COL6A6: variants seen among roughly 807,000 people sequenced by gnomAD.
The protein encoded by COL6A6 is collagen type VI alpha 6 chain, also known as collagen alpha-6(VI) chain.
In COL6A6, 183 loss-of-function variants were observed where a neutral mutation model predicts 208.6. That is an observed-to-expected ratio of 0.88 (90% confidence interval 0.78 to 0.99). COL6A6 has a LOEUF of 0.99. Among genes scored for constraint, COL6A6 ranks in the 50% least tolerant of loss-of-function variants. COL6A6 has a pLI of 0.00. For synonymous variants in COL6A6, 973 were observed against 1,011.8 expected, an observed-to-expected ratio of 0.96 and a Z score of 0.73; for missense variants, 2,816 against 2,815.2, an observed-to-expected ratio of 1.00 and a Z score of -0.01.
chr3:130,608,601 G>A (rs1219906578), intron 21 of COL6A6, among the ~76,000 whole-genome samples: 2 of 151,872 alleles, frequency 1.3e-5, no homozygotes. Flanking sequence ...ACATAGCTAA[G>A]TTAGATATAA....
chr3:130,616,313 C>T (rs1288736322), intron 23 of COL6A6, among the ~76,000 whole-genome samples: 3 of 152,004 alleles, frequency 2.0e-5, no homozygotes, highest in Non-Finnish European at 4.4e-5. Context: ...TTAGGATATA[C>T]GTTTAAGAAA....
chr3:130,550,032 T>A (rs1307013521), intron 1 of COL6A6, among the ~76,000 whole-genome samples: 2 of 152,186 alleles, frequency 1.3e-5, no homozygotes, highest in African/African-American at 4.8e-5. Flanking sequence ...ATCTTTCACC[T>A]CCCTGATGAG....
At chr3:130,671,202 C>T (rs1214094593) in intron 36 of COL6A6, among the ~76,000 whole-genome samples, 1 of 152,196 alleles carries the variant, frequency 6.6e-6, no homozygotes, top group Non-Finnish European at 1.5e-5. Flanking sequence ...TTGCATTTTG[C>T]CGTCGGCTCT....
At chr3:130,560,677 TTAGGTCTTCTGGG>T (rs1299197091) in intron 2 of COL6A6, among the ~76,000 whole-genome samples, 1 of 152,202 alleles carries the variant, frequency 6.6e-6, no homozygotes. Context: ...TCAACCCCTT[TTAGGTCTTCTGGG>T]AGGTTGCATA....
At chr3:130,653,903 A>G (rs1033880445) in intron 33 of COL6A6, among the ~76,000 whole-genome samples, 2 of 152,138 alleles carry the variant, frequency 1.3e-5, no homozygotes, top group African/African-American at 4.8e-5. Context: ...AATCAATGAG[A>G]AGGTTGATGT....
chr3:130,590,963 G>T (rs2063699281), intron 12 of COL6A6, 78 bp from the exon 13 acceptor site: 1 of 1,097,296 alleles, frequency 9.1e-7, no homozygotes, highest in African/African-American at 1.6e-5. Context: ...AAGTAAAACT[G>T]TAAAACTGAA....
Position 130,586,640 on chromosome 3 carries a change from A to G in COL6A6, c.4105A>G (p.Ser1369Gly), listed in dbSNP as rs921034863. 1.2e-6 allele frequency: 2 copies of G among 1,612,428 alleles called. No individual in the cohort carries two copies. Among genetic ancestry groups the G allele is most frequent in the Middle Eastern group, 1.7e-4 (1 of 6,060 alleles). The change falls in exon 11 of 37, where the codon AGC becomes GGC. Residue 1369 changes from serine (S) to glycine (G), a missense_variant. Ser to Gly is a moderately conservative substitution (Grantham distance 56). Transcript: ENST00000358511. ...CTCTATTGGCATGAGAGAACTTGGAAGCCGGCTGTCAAAGCAGCTGGTAAG... is the reference window on the plus strand; with the variant it reads ...CTCTATTGGCATGAGAGAACTTGGAGGCCGGCTGTCAAAGCAGCTGGTAAG... ...QLSIGMRELGSRLSKQLVNVA... is the reference protein window; with the variant it reads ...QLSIGMRELGGRLSKQLVNVA...
intron 1 of COL6A6, among the ~76,000 whole-genome samples, chr3:130,540,811 T>A (rs989866587): frequency 6.6e-6 from 1 of 152,206 alleles, no homozygotes; most frequent in Non-Finnish European, 1.5e-5. Context: ...TCCAGCTTCA[T>A]CCATTTCCCT....
chr3:130,555,487 A>G (rs1199624524), intron 1 of COL6A6, among the ~76,000 whole-genome samples: 1 of 152,088 alleles, frequency 6.6e-6, no homozygotes, highest in Non-Finnish European at 1.5e-5. Context: ...TCCCCTGGCT[A>G]CGGCTAGTCT....
rs1397955821 is a variant in COL6A6, at chr3:130,649,205, C to T, written c.5376C>T (p.Asn1792=). 6.9e-6 allele frequency: 11 copies of T among 1,593,024 alleles called. No individual in the cohort carries two copies. The highest frequency in any genetic ancestry group is 8.5e-6 in the Non-Finnish European group (10 of 1,169,676). The change falls in exon 33 of 37, where the codon AAC becomes AAT. Residue 1792 remains asparagine, a synonymous_variant. Coordinates refer to ENST00000358511, the MANE Select transcript of COL6A6 (RefSeq NM_001102608.3). ...FLVRDIKVRE[N]SCPVGAHIAI... ...TGAGAGACATTAAGGTCCGGGAGAA[C>T]AGCTGCCCCGTGGGAGCGCACATCG...
chr3:130,599,820 C>G lies in COL6A6; in HGVS notation c.4653+10C>G, dbSNP rs761971065. Reference sequence around the variant, plus strand: ...CTCCAGAAGAAAGACAGTAAGAGCCCTTCTAGACAAGGAGACCCACTGTTT... The same window carrying G: ...CTCCAGAAGAAAGACAGTAAGAGCCGTTCTAGACAAGGAGACCCACTGTTT... On this transcript the variant is annotated intron_variant, in intron 20 of 36. Transcript: ENST00000358511. 1 of 1,613,446 alleles carries G rather than the reference C, an allele frequency of 6.2e-7. No homozygotes were observed. The highest frequency in any genetic ancestry group is 2.2e-5 in the East Asian group (1 of 44,868).
At chr3:130,652,851 G>A (rs1467197255) in intron 33 of COL6A6, among the ~76,000 whole-genome samples, 1 of 152,186 alleles carries the variant, frequency 6.6e-6, no homozygotes, top group Non-Finnish European at 1.5e-5. Flanking sequence ...ACCTACCAAG[G>A]CTTTTCTAAA....
chr3:130,522,239 G>C (rs1428578794), intron 1 of COL6A6, among the ~76,000 whole-genome samples: 3 of 152,096 alleles, frequency 2.0e-5, no homozygotes, highest in African/African-American at 7.2e-5. Context: ...TTGGTGTCTT[G>C]TTTAACTTGT....
chr3:130,647,820 C>T (rs1481548597), intron 32 of COL6A6, among the ~76,000 whole-genome samples: 1 of 152,220 alleles, frequency 6.6e-6, no homozygotes, highest in East Asian at 1.9e-4. Context: ...GGAGGCACCT[C>T]TCCAAGAGAA....
chr3:130,640,321 T>C (rs574163562), intron 28 of COL6A6, among the ~76,000 whole-genome samples: 14 of 152,114 alleles, frequency 9.2e-5, no homozygotes, highest in Admixed American at 4.6e-4. Context: ...ATTCACATTT[T>C]ATGGCTGTCA....
At chr3:130,627,559 C>A (rs907168570) in intron 26 of COL6A6, among the ~76,000 whole-genome samples, 190 bp downstream of exon 26, 1 of 152,184 alleles carries the variant, frequency 6.6e-6, no homozygotes, top group African/African-American at 2.4e-5. Context: ...GTTTAAGGTG[C>A]AGGCAACAAG....
chr3:130,589,292 A>G (rs2063618650), intron 12 of COL6A6, 110 bp downstream of exon 12: 3 of 664,158 alleles, frequency 4.5e-6, no homozygotes, highest in East Asian at 2.8e-5. Flanking sequence ...AGCCTCTTAT[A>G]TAAGAGTTTA....
intron 8 of COL6A6, among the ~76,000 whole-genome samples, chr3:130,578,815 C>T (rs1508520): frequency 0.69 from 104,999 of 152,068 alleles, 41,136 homozygotes; most frequent in Non-Finnish European, 0.88. Flanking sequence ...GGGTTGCACA[C>T]GGGCACCAGA....
chr3:130,605,972 C>T (rs1460433346), intron 20 of COL6A6, among the ~76,000 whole-genome samples: 1 of 152,236 alleles, frequency 6.6e-6, no homozygotes, highest in Non-Finnish European at 1.5e-5. Flanking sequence ...TTATCTCCCA[C>T]TGGGTCCCTC....
Sources: allele counts gnomAD v4.1 joint callset (sites outside exome capture counted in the v4.1 genomes callset), GRCh38; gene constraint gnomAD v4.1.1; transcripts MANE v1.5; gene names NCBI Gene and HGNC (gene_info 2026-07-23, HGNC 2026-07-21).